The following PTPN12 variants were observed in gnomAD, a reference collection of about 807,000 sequenced individuals.
PTPN12 encodes the protein protein tyrosine phosphatase non-receptor type 12.
In PTPN12, 29 loss-of-function variants were observed where a neutral mutation model predicts 97.6. The ratio of observed to expected loss-of-function variants is 0.30; its 90% confidence interval spans 0.22 to 0.41. The LOEUF is 0.41. Among genes scored for constraint, PTPN12 ranks in the 10% least tolerant of loss-of-function variants. PTPN12 has a pLI of 1.00. For synonymous variants in PTPN12, 327 were observed against 300.4 expected (o/e 1.09, Z -0.91); for missense variants, 819 against 926.0 (o/e 0.88, Z 1.50).
intron 1 of PTPN12, among the ~76,000 whole-genome samples, chr7:77,551,079 G>C (rs1807458379): frequency 1.3e-5 from 2 of 151,900 alleles, no homozygotes; most frequent in Non-Finnish European, 2.9e-5. Flanking sequence ...TTTTGTTTTT[G>C]AGATGGAGTC....
At chr7:77,597,346 C>T (rs1216515287) in intron 6 of PTPN12, among the ~76,000 whole-genome samples, 2 of 152,172 alleles carry the variant, frequency 1.3e-5, no homozygotes, top group East Asian at 3.9e-4. Flanking sequence ...TGGTCTCGAA[C>T]TCCTGACCTC....
At chr7:77,593,721 T>G (rs1787939064) in intron 6 of PTPN12, among the ~76,000 whole-genome samples, 1 of 152,240 alleles carries the variant, frequency 6.6e-6, no homozygotes, top group South Asian at 2.1e-4. Context: ...GTTTAAATGT[T>G]AATCTTCTCC....
intron 4 of PTPN12, among the ~76,000 whole-genome samples, chr7:77,584,031 CTA>C (rs1324971335): frequency 6.6e-6 from 1 of 152,184 alleles, no homozygotes; most frequent in Non-Finnish European, 1.5e-5. Flanking sequence ...TATAAATAGA[CTA>C]TAAATATGCA....
intron 1 of PTPN12, among the ~76,000 whole-genome samples, chr7:77,548,110 G>A (rs992362700): frequency 1.3e-5 from 2 of 152,082 alleles, no homozygotes; most frequent in African/African-American, 2.4e-5. Flanking sequence ...TTTATCTCAG[G>A]TATATAAAGT....
chr7:77,635,945 C>G (rs949163341), intron 15 of PTPN12, 96 bp downstream of exon 15: 2 of 719,482 alleles, frequency 2.8e-6, no homozygotes, highest in African/African-American at 1.8e-5. Context: ...ATCTTAAGAT[C>G]GTTAAATATA....
chr7:77,632,256 T>C, intron 13 of PTPN12, 92 bp from the exon 14 acceptor site: 2 of 976,462 alleles, frequency 2.0e-6, no homozygotes, highest in Non-Finnish European at 3.2e-6. Context: ...ATCTAGATAT[T>C]TGTGACAGGA....
At chr7:77,619,752 C>T (rs976545593) in intron 12 of PTPN12, among the ~76,000 whole-genome samples, 6 of 152,164 alleles carry the variant, frequency 3.9e-5, no homozygotes, top group East Asian at 1.9e-4. Flanking sequence ...GTTACATGCC[C>T]GGCCTATAGT....
In PTPN12 at chr7:77,605,424, T is replaced by G. The variant is rs1164595789; in HGVS notation, c.696-1811T>G. Among the ~76,000 whole-genome samples, 7 of 134,048 alleles carry G rather than the reference T, an allele frequency of 5.2e-5. No homozygotes were observed. The South Asian group carries it at 7.6e-4, about 15-fold the overall frequency. 87.9% of individuals were successfully genotyped at this position (134,048 alleles called of 152,430 possible). ...TTTGTCATGAGTTTTTTTTTTTTTT[T>G]TTTTTTTTTTTTTGAGACGGAGTCT... On this transcript the variant is annotated intron_variant, in intron 8 of 17. Coordinates refer to ENST00000248594, the MANE Select transcript of PTPN12 (RefSeq NM_002835.4).
intron 1 of PTPN12, among the ~76,000 whole-genome samples, chr7:77,551,754 C>A (rs1397491129): frequency 1.3e-5 from 2 of 152,164 alleles, no homozygotes; most frequent in Non-Finnish European, 2.9e-5. Flanking sequence ...TAGCAGAATT[C>A]ATGTTGTTCT....
chr7:77,588,484 T>G (rs1248588169), intron 5 of PTPN12, among the ~76,000 whole-genome samples: 1 of 152,184 alleles, frequency 6.6e-6, no homozygotes, highest in Non-Finnish European at 1.5e-5. Flanking sequence ...CAAACATCAC[T>G]GATCAGATTA....
chr7:77,639,578 C>CT lies in PTPN12; in HGVS notation c.*303dup. 3.5e-6 allele frequency: 1 copy of CT among 285,524 alleles called. No homozygotes were observed. The highest frequency in any genetic ancestry group is 6.5e-6 in the Non-Finnish European group (1 of 154,040). 17.7% of individuals were successfully genotyped at this position (285,524 alleles called of 1,614,324 possible). The stretch of plus-strand genomic sequence containing the variant: ...TGATATATTGAGTTTAAGGACTACT[C>CT]TTTTTCTGTTTTATCATGTATGCAT... On this transcript the variant is annotated 3_prime_UTR_variant, in exon 18 of 18. Coordinates refer to ENST00000248594, the MANE Select transcript of PTPN12 (RefSeq NM_002835.4).
chr7:77,632,939 G>C (rs1789454164), intron 14 of PTPN12, among the ~76,000 whole-genome samples: 1 of 151,708 alleles, frequency 6.6e-6, no homozygotes, highest in African/African-American at 2.4e-5. Context: ...CCTGGGCGAA[G>C]AGCAAGATTT....
chr7:77,611,158 G>T, intron 11 of PTPN12, 112 bp downstream of exon 11: 1 of 771,340 alleles, frequency 1.3e-6, no homozygotes, highest in Non-Finnish European at 2.1e-6. Context: ...AGAATATCCA[G>T]GACACTTAAC....
chr7:77,573,104 A>AAAAAAAAC, intron 2 of PTPN12, among the ~76,000 whole-genome samples: 1 of 46,856 alleles, frequency 2.1e-5, no homozygotes, highest in Non-Finnish European at 3.9e-5. Flanking sequence ...AAACAAAAAA[A>AAAAAAAAC]CAAAAAAAAC....
intron 2 of PTPN12, among the ~76,000 whole-genome samples, chr7:77,575,055 A>C: frequency 6.6e-6 from 1 of 152,050 alleles, no homozygotes. Context: ...GCTGGTCTCA[A>C]ACTCCTGACC....
At position 77,635,737 on chromosome 7, in the gene PTPN12, C is replaced by A. The variant is rs62473723; in HGVS notation, c.2075-45C>A. 6 of 1,282,130 alleles carry A rather than the reference C, an allele frequency of 4.7e-6. No homozygotes were observed. The Admixed American group carries it at 1.2e-4, about 26-fold the overall frequency. The allele number at this position is 1,282,130 out of a possible 1,614,324, so 79.4% of individuals were successfully genotyped here. ...GTATTACTTTAATGCAAAGAAATTT[C>A]AGAAATTCAAGGTGTTAATAACAAT... On this transcript the variant is annotated intron_variant, in intron 14 of 17. Coordinates refer to ENST00000248594, the MANE Select transcript of PTPN12 (RefSeq NM_002835.4).
intron 1 of PTPN12, among the ~76,000 whole-genome samples, chr7:77,540,792 T>C (rs897012887): frequency 1.1e-4 from 17 of 152,218 alleles, no homozygotes; most frequent in African/African-American, 3.9e-4. Context: ...GATTAGCTTA[T>C]AGATTCTATT....
At chr7:77,599,994 C>A (rs1287352818) in intron 7 of PTPN12, among the ~76,000 whole-genome samples, 1 of 152,116 alleles carries the variant, frequency 6.6e-6, no homozygotes, top group African/African-American at 2.4e-5. Context: ...AACATGAATA[C>A]ATAAGCATAT....
chr7:77,543,833 T>G (rs1430483728), intron 1 of PTPN12, among the ~76,000 whole-genome samples: 1 of 152,228 alleles, frequency 6.6e-6, no homozygotes, highest in African/African-American at 2.4e-5. Context: ...GTTATAGTAT[T>G]GATCCGTAGT....
Sources: gnomAD v4.1 joint callset for allele counts (sites outside exome capture counted in the v4.1 genomes callset) on GRCh38, gnomAD v4.1.1 for gene constraint, MANE v1.5 for transcripts, NCBI Gene and HGNC (gene_info 2026-07-23, HGNC 2026-07-21) for gene names.